Variants in RFWD3 observed in about 807,000 individuals in gnomAD.
RFWD3 encodes ring finger and WD repeat domain 3, also known as E3 ubiquitin-protein ligase RFWD3.
RFWD3 carries 65 observed loss-of-function variants against 87.7 expected under a neutral mutation model. That is an observed-to-expected ratio of 0.74 (90% CI 0.61 to 0.91). The LOEUF (loss-of-function observed/expected upper bound fraction) is 0.91, where lower values mean the gene tolerates loss of function less well. Ranked by LOEUF, RFWD3 falls within the 40% of genes least tolerant of loss-of-function variation. The probability of loss-of-function intolerance (pLI) is 0.00; values close to 1 mark genes in which losing one functional copy is unlikely to be tolerated. For synonymous variants in RFWD3, 433 were observed against 352.8 expected (o/e 1.23, Z -2.55); for missense variants, 1,078 against 938.5 (o/e 1.15, Z -1.94).
rs1179668341 is a variant in RFWD3 at position 74,652,126 on chromosome 16, T to G, written c.519-4A>C. On this transcript the variant is annotated splice_region_variant and splice_polypyrimidine_tract_variant and intron_variant, in intron 2 of 12. Coordinates refer to ENST00000361070, the MANE Select transcript of RFWD3 (RefSeq NM_018124.4). The stretch of plus-strand genomic sequence containing the variant: ...AGCATCCAATGGTGCTCTCAACCTA[T>G]GTACACAGAAAGACAACGGAATTAT... 5 of 1,613,398 alleles carry G rather than the reference T, an allele frequency of 3.1e-6. No individual in the cohort carries two copies. In the South Asian group the frequency reaches 4.4e-5, roughly 14 times the overall value.
rs546962893 is a variant in RFWD3, at chr16:74,663,519, G to A, written c.-2-2068C>T. The stretch of plus-strand genomic sequence containing the variant: ...AAGTGGTGGGGTCAGAGGCCAGACT[G>A]GTGCAGGCTGAATAAATGGAAGGAA... On this transcript the variant is annotated intron_variant, in intron 1 of 12. Coordinates refer to ENST00000361070, the MANE Select transcript of RFWD3 (RefSeq NM_018124.4). Among the ~76,000 whole-genome samples the A allele has an allele frequency of 8.5e-5, 13 of 152,224 alleles. No homozygotes were observed. The South Asian group carries it at 2.7e-3, about 32-fold the overall frequency.
At chr16:74,647,632 C>T (rs1205988473) in intron 4 of RFWD3, among the ~76,000 whole-genome samples, 2 of 151,936 alleles carry the variant, frequency 1.3e-5, no homozygotes, top group Non-Finnish European at 2.9e-5. Flanking sequence ...TGCTCCGTCT[C>T]CCAAGCTAGA....
intron 2 of RFWD3, among the ~76,000 whole-genome samples, chr16:74,658,966 A>C (rs2144333561): frequency 6.6e-6 from 1 of 152,010 alleles, no homozygotes; most frequent in East Asian, 1.9e-4. Context: ...ATGGGGTTTC[A>C]CCATGTTGGC....
intron 11 of RFWD3, 55 bp from the exon 12 acceptor site, chr16:74,626,609 C>G (rs1220991106): frequency 6.9e-7 from 1 of 1,438,876 alleles, no homozygotes; most frequent in East Asian, 2.3e-5. Context: ...AAAAAATTAA[C>G]CAAGTACCCA....
rs1015984992 is a variant in RFWD3, at chr16:74,623,720, C to T, written c.*208G>A. 1 of 508,578 alleles carries T rather than the reference C, an allele frequency of 2.0e-6. No homozygotes were observed. The allele number at this position is 508,578 out of a possible 1,614,324, so 31.5% of individuals were successfully genotyped here. On this transcript the variant is annotated 3_prime_UTR_variant, in exon 13 of 13. Transcript: ENST00000361070. ...AGAAATGGATAATGTAGATAAAGTACCCATCAATTACTCTTTTAGTGGACA... is the reference window on the plus strand; with the variant it reads ...AGAAATGGATAATGTAGATAAAGTATCCATCAATTACTCTTTTAGTGGACA...
chr16:74,636,575 G>C lies in RFWD3; in HGVS notation c.1197C>G (p.Asp399Glu). The C allele has an allele frequency of 6.2e-7, 1 of 1,605,978 alleles. No homozygotes were observed. Among genetic ancestry groups the C allele is most frequent in the South Asian group, 1.1e-5 (1 of 90,342 alleles). The change falls in exon 8 of 13, where the codon GAC becomes GAG. Residue 399 changes from aspartate (D) to glutamate (E), a missense_variant and splice_region_variant. Coordinates refer to ENST00000361070, the MANE Select transcript of RFWD3 (RefSeq NM_018124.4). Reference sequence around the variant, plus strand: ...TTTGATGTGACGTAAGTTTTTGCAAGTCCTAAAATGAAAAAGATTTTATAA... The same window carrying C: ...TTTGATGTGACGTAAGTTTTTGCAACTCCTAAAATGAAAAAGATTTTATAA... ...KCTRLQRRVQDLQKLTSHQSQ... is the reference protein window; with the variant it reads ...KCTRLQRRVQELQKLTSHQSQ...
Position 74,647,838 on chromosome 16 carries a change from C to T in RFWD3, c.792+1294G>A, listed in dbSNP as rs559774357. On this transcript the variant is annotated intron_variant, in intron 4 of 12. Transcript: ENST00000361070. ...AACTCCTGACCTCAGGTGATCCGCC[C>T]GCCTTGGCCTCCAACAGTGCTGGGA... is the stretch of plus-strand genomic sequence containing the variant. 3.3e-5 allele frequency among the ~76,000 whole-genome samples: 5 copies of T among 152,204 alleles called. 1 individual carries two copies. The highest frequency in any genetic ancestry group is 4.1e-4 in the South Asian group (2 of 4,826).
intron 4 of RFWD3, among the ~76,000 whole-genome samples, chr16:74,647,914 T>A (rs1222484642): frequency 6.6e-6 from 1 of 152,024 alleles, no homozygotes. Context: ...AAATAAAAAT[T>A]ATCACCTACT....
intron 7 of RFWD3, among the ~76,000 whole-genome samples, chr16:74,637,548 G>A (rs1044863824): frequency 6.6e-6 from 1 of 152,082 alleles, no homozygotes; most frequent in Non-Finnish European, 1.5e-5. Context: ...CAGGAGAACC[G>A]CTTGAACCCA....
At position 74,623,329 on chromosome 16, in the gene RFWD3, G is replaced by C. The variant is rs1464193336; in HGVS notation, c.*599C>G. The C allele has an allele frequency of 2.6e-5, 4 of 152,560 alleles. No individual in the cohort carries two copies. The highest frequency in any genetic ancestry group is 5.9e-5 in the Non-Finnish European group (4 of 68,090). The allele number at this position is 152,560 out of a possible 1,614,324, so 9.5% of individuals were successfully genotyped here. The stretch of plus-strand genomic sequence containing the variant: ...GGAACACAAGTGTTATTGCCACAAA[G>C]CACACCCAGGTGTGCTATCACACAC... On this transcript the variant is annotated 3_prime_UTR_variant, in exon 13 of 13. Coordinates refer to ENST00000361070, the MANE Select transcript of RFWD3 (RefSeq NM_018124.4).
chr16:74,640,798 G>A (rs1354416363), intron 6 of RFWD3, among the ~76,000 whole-genome samples: 1 of 151,886 alleles, frequency 6.6e-6, no homozygotes, highest in East Asian at 2.0e-4. Flanking sequence ...AATTAGCCAG[G>A]CGTGGTGGCG....
chr16:74,631,034 A>C, intron 9 of RFWD3, 77 bp from the exon 10 acceptor site: 1 of 1,310,138 alleles, frequency 7.6e-7, no homozygotes. Context: ...ATTATCATTT[A>C]AATGATCATT....
chr16:74,631,294 G>A (rs561200881), intron 9 of RFWD3, among the ~76,000 whole-genome samples: 4 of 152,210 alleles, frequency 2.6e-5, no homozygotes, highest in African/African-American at 9.6e-5. Context: ...GACCAGCCTG[G>A]CCAACATGGC....
rs190933642 is a variant in RFWD3 at position 74,629,338 on chromosome 16, A to G, written c.1755-672T>C. ...AAAAATAAAAATGAACATTACATACAAATATTCTTTCCTTGCTATTTTAAA... is the reference window on the plus strand; with the variant it reads ...AAAAATAAAAATGAACATTACATACGAATATTCTTTCCTTGCTATTTTAAA... On this transcript the variant is annotated intron_variant, in intron 10 of 12. Transcript: ENST00000361070. Among the ~76,000 whole-genome samples, 590 of 152,340 alleles carry G rather than the reference A, an allele frequency of 3.9e-3. 4 individuals carry two copies. The highest frequency in any genetic ancestry group is 0.034 in the Middle Eastern group (10 of 294).
chr16:74,650,216 G>T (rs1960459415), intron 3 of RFWD3, among the ~76,000 whole-genome samples: 1 of 152,180 alleles, frequency 6.6e-6, no homozygotes, highest in African/African-American at 2.4e-5. Context: ...CTAGAAAGAT[G>T]TTCCATTTGT....
chr16:74,629,681 T>G (rs2144050795), intron 10 of RFWD3, among the ~76,000 whole-genome samples: 1 of 152,108 alleles, frequency 6.6e-6, no homozygotes, highest in South Asian at 2.1e-4. Flanking sequence ...AAAAAAACCT[T>G]GCCATATTTT....
At chr16:74,626,655 G>C in intron 11 of RFWD3, 101 bp from the exon 12 acceptor site, 1 of 805,946 alleles carries the variant, frequency 1.2e-6, no homozygotes, top group Non-Finnish European at 2.0e-6. Flanking sequence ...GGATGGAAAA[G>C]CCATAAATGC....
rs756160301 is a variant in RFWD3, at chr16:74,660,999, T to C, written c.451A>G (p.Thr151Ala). The C allele has an allele frequency of 1.1e-5, 17 of 1,614,078 alleles. No individual in the cohort carries two copies. In the Admixed American group the frequency reaches 2.2e-4, roughly 21 times the overall value. The change falls in exon 2 of 13, where the codon ACA (threonine) becomes GCA (alanine). Residue 151 changes from threonine to alanine, a missense_variant. Physicochemically the swap from Thr to Ala is moderately conservative, Grantham distance 58. Coordinates refer to ENST00000361070, the MANE Select transcript of RFWD3 (RefSeq NM_018124.4). The stretch of plus-strand genomic sequence containing the variant: ...CGTGAAGCAGATACCCTCCTTCTTG[T>C]TCTCATTGGCCCTACACTGTGGTTT... Reference protein sequence around the residue: ...SSNHSVGPMRTRRRVSASRRA... With the variant: ...SSNHSVGPMRARRRVSASRRA...
At chr16:74,634,383 T>C (rs2144098257) in intron 8 of RFWD3, among the ~76,000 whole-genome samples, 1 of 150,388 alleles carries the variant, frequency 6.6e-6, no homozygotes, top group South Asian at 2.1e-4. Flanking sequence ...GTACTTTATA[T>C]ATATATATAT....
Sources: allele counts gnomAD v4.1 joint callset (sites outside exome capture counted in the v4.1 genomes callset), GRCh38; gene constraint gnomAD v4.1.1; transcripts MANE v1.5; gene names NCBI Gene and HGNC (gene_info 2026-07-23, HGNC 2026-07-21).